Variants in WWOX observed in about 807,000 individuals in gnomAD.
WWOX encodes WW domain-containing oxidoreductase.
A neutral mutation model predicts 46.2 loss-of-function variants in WWOX; 69 were observed. The observed-to-expected ratio is 1.49, with a 90% CI of 1.23 to 1.82. The LOEUF is 1.82. Among genes scored for constraint, WWOX ranks in the 40% most tolerant of loss-of-function variants. The pLI, the probability that WWOX is intolerant of heterozygous loss-of-function variation, is 0.00. For missense variants in WWOX, 919 were observed against 542.6 expected (o/e 1.69, Z -6.89); for synonymous variants, 359 against 202.6 (o/e 1.77, Z -6.56).
At chr16:78,219,805 C>T (rs2036834088) in intron 5 of WWOX, among the ~76,000 whole-genome samples, 1 of 152,136 alleles carries the variant, frequency 6.6e-6, no homozygotes, top group African/African-American at 2.4e-5. Context: ...TTCTCTCCTT[C>T]TCTTTGTTTT....
chr16:79,142,457 C>T (rs1334814676), intron 8 of WWOX, among the ~76,000 whole-genome samples: 1 of 152,118 alleles, frequency 6.6e-6, no homozygotes, highest in African/African-American at 2.4e-5. Context: ...TTGGCACATG[C>T]TACACATCAG....
In WWOX at chr16:78,643,569, A is replaced by G. The variant is rs78472168; in HGVS notation, c.1056+210817A>G. On this transcript the variant is annotated intron_variant, in intron 8 of 8. Transcript: ENST00000566780. The stretch of plus-strand genomic sequence containing the variant: ...TCATTAGCACTCCCCAGAGCCTTCC[A>G]GCCCCCTGTAGGAGAGGGAGGTTAA... Among the ~76,000 whole-genome samples the G allele has an allele frequency of 8.5e-5, 13 of 152,288 alleles. No individual in the cohort carries two copies. In the East Asian group the frequency reaches 2.5e-3, roughly 29 times the overall value.
chr16:78,152,914 T>A (rs57452295), intron 4 of WWOX, among the ~76,000 whole-genome samples: 89,157 of 151,826 alleles, frequency 0.59, 26,277 homozygotes, highest in African/African-American at 0.64. Context: ...GTTTTTTGAT[T>A]AATATATTTG....
intron 5 of WWOX, among the ~76,000 whole-genome samples, chr16:78,257,047 C>T (rs952376398): frequency 2.0e-5 from 3 of 152,124 alleles, no homozygotes; most frequent in East Asian, 1.9e-4. Context: ...TTTTACATTT[C>T]GCAGCAATCA....
chr16:78,850,917 T>A (rs962383362), intron 8 of WWOX, among the ~76,000 whole-genome samples: 5 of 152,252 alleles, frequency 3.3e-5, no homozygotes. Context: ...TGATCAGTCA[T>A]GAATAAGGAA....
intron 8 of WWOX, among the ~76,000 whole-genome samples, chr16:79,208,615 T>C (rs907877872): frequency 2.1e-5 from 3 of 141,800 alleles, no homozygotes; most frequent in Non-Finnish European, 3.0e-5. Context: ...CTGATGGTGA[T>C]TAAAGTGCTC....
chr16:78,739,055 C>T (rs193217041), intron 8 of WWOX, among the ~76,000 whole-genome samples: 2 of 152,080 alleles, frequency 1.3e-5, no homozygotes, highest in African/African-American at 2.4e-5. Context: ...CCTCTGCCAC[C>T]AGAATAAAGG....
At chr16:78,803,496 G>C (rs76826533) in intron 8 of WWOX, among the ~76,000 whole-genome samples, 2,055 of 152,232 alleles carry the variant, frequency 0.013, 26 homozygotes, top group South Asian at 0.073. Context: ...GCCCATGCTG[G>C]AGTGCAGTGG....
In WWOX at chr16:78,314,036, C is replaced by G. The variant is rs149373474; in HGVS notation, c.517-72824C>G. 5.9e-3 allele frequency among the ~76,000 whole-genome samples: 902 copies of G among 152,210 alleles called. 4 individuals carry two copies. The highest frequency in any genetic ancestry group is 9.4e-3 in the Non-Finnish European group (641 of 68,012). ...CTTCATCTTTCTGTGCCTCACACATCTATAAAATGGAGCTGGGCATCTGTC... is the reference window on the plus strand; with the variant it reads ...CTTCATCTTTCTGTGCCTCACACATGTATAAAATGGAGCTGGGCATCTGTC... On this transcript the variant is annotated intron_variant, in intron 5 of 8. Coordinates refer to ENST00000566780, the MANE Select transcript of WWOX (RefSeq NM_016373.4).
chr16:78,524,155 C>A (rs2043407278), intron 8 of WWOX, among the ~76,000 whole-genome samples: 1 of 152,102 alleles, frequency 6.6e-6, no homozygotes, highest in African/African-American at 2.4e-5. Flanking sequence ...GGTTGATTCC[C>A]TTCTTTCTGC....
At chr16:78,790,211 A>C (rs2059277) in intron 8 of WWOX, among the ~76,000 whole-genome samples, 25,414 of 152,032 alleles carry the variant, frequency 0.17, 2,406 homozygotes, top group African/African-American at 0.25. Context: ...ATCTCAGCTC[A>C]CTGCAACCTG....
At chr16:79,197,071 T>G (rs983938989) in intron 8 of WWOX, among the ~76,000 whole-genome samples, 13 of 152,138 alleles carry the variant, frequency 8.5e-5, no homozygotes, top group African/African-American at 2.2e-4. Context: ...TATAGTTACC[T>G]TGGGCCAGGG....
rs62045117 is a variant in WWOX at position 78,163,913 on chromosome 16, C to T, written c.410-270C>T. 0.13 allele frequency among the ~76,000 whole-genome samples: 20,191 copies of T among 152,068 alleles called. 1,572 individuals carry two copies. Among genetic ancestry groups the T allele is most frequent in the East Asian group, 0.22 (1,136 of 5,148 alleles). ...CCATCACAGTGTTGACAGTCCGGGC[C>T]AGATGGTTCTATGTTGTCAGGGGCT... On this transcript the variant is annotated intron_variant, in intron 4 of 8. Coordinates refer to ENST00000566780, the MANE Select transcript of WWOX (RefSeq NM_016373.4).
intron 5 of WWOX, among the ~76,000 whole-genome samples, chr16:78,337,074 C>A (rs1412831130): frequency 6.6e-6 from 1 of 152,126 alleles, no homozygotes; most frequent in African/African-American, 2.4e-5. Flanking sequence ...AGCTAGTGCA[C>A]CTGACCCTAG....
intron 8 of WWOX, among the ~76,000 whole-genome samples, chr16:79,181,029 C>T (rs1040254941): frequency 6.6e-6 from 1 of 152,138 alleles, no homozygotes; most frequent in Non-Finnish European, 1.5e-5. Flanking sequence ...TAAGTTAATA[C>T]ATGCTCATTT....
At chr16:78,703,852 C>A (rs1229721227) in intron 8 of WWOX, among the ~76,000 whole-genome samples, 1 of 152,026 alleles carries the variant, frequency 6.6e-6, no homozygotes, top group Non-Finnish European at 1.5e-5. Context: ...TATGACAGAA[C>A]ATTTTTCTGA....
At chr16:78,794,721 G>A (rs1177050371) in intron 8 of WWOX, among the ~76,000 whole-genome samples, 1 of 152,190 alleles carries the variant, frequency 6.6e-6, no homozygotes, top group Non-Finnish European at 1.5e-5. Context: ...GTTATTATTA[G>A]CTCTGCTATC....
chr16:78,831,007 T>C (rs1414285073), intron 8 of WWOX, among the ~76,000 whole-genome samples: 1 of 152,182 alleles, frequency 6.6e-6, no homozygotes, highest in African/African-American at 2.4e-5. Flanking sequence ...GATGCAGCAG[T>C]AATCACAGTG....
chr16:78,931,793 G>A (rs1297566221), intron 8 of WWOX, among the ~76,000 whole-genome samples: 2 of 152,174 alleles, frequency 1.3e-5, no homozygotes, highest in Non-Finnish European at 2.9e-5. Flanking sequence ...GTTTAGCTGT[G>A]TCTCCACCCA....
Sources: gnomAD v4.1 joint callset for allele counts (sites outside exome capture counted in the v4.1 genomes callset) on GRCh38, gnomAD v4.1.1 for gene constraint, MANE v1.5 for transcripts, NCBI Gene and HGNC (gene_info 2026-07-23, HGNC 2026-07-21) for gene names.